EYS: variants seen among roughly 807,000 people sequenced by gnomAD.
The protein encoded by EYS is EGF-like photoreceptor maintenance factor.
EYS carries 250 observed loss-of-function variants against 282.1 expected under a neutral mutation model. The observed-to-expected ratio is 0.89, with a 90% CI of 0.80 to 0.98. The LOEUF (loss-of-function observed/expected upper bound fraction) is 0.98, where lower values mean the gene tolerates loss of function less well. Ranked by LOEUF, EYS falls within the 50% of genes least tolerant of loss-of-function variation. The pLI, the probability that EYS is intolerant of heterozygous loss-of-function variation, is 0.00. For synonymous variants in EYS, 1,355 were observed against 1,282.9 expected (o/e 1.06, Z -1.20); for missense variants, 4,016 against 3,709.0 (o/e 1.08, Z -2.15).
At chr6:65,594,582 G>T (rs1765342567) in intron 2 of EYS, among the ~76,000 whole-genome samples, 1 of 152,002 alleles carries the variant, frequency 6.6e-6, no homozygotes, top group African/African-American at 2.4e-5. Context: ...CAGATGAGTA[G>T]ATTGCAAAAA....
At chr6:63,757,065 G>A (rs894871314) in intron 41 of EYS, among the ~76,000 whole-genome samples, 1 of 152,126 alleles carries the variant, frequency 6.6e-6, no homozygotes, top group Non-Finnish European at 1.5e-5. Context: ...ACAATCATAA[G>A]GTCTGACTGC....
At chr6:64,681,862 C>T (rs73768226) in intron 22 of EYS, among the ~76,000 whole-genome samples, 1,575 of 152,264 alleles carry the variant, frequency 0.01, 20 homozygotes, top group African/African-American at 0.035. Flanking sequence ...GTTAATCATT[C>T]TTTTACATTT....
chr6:64,693,515 G>T (rs987355835), intron 22 of EYS, among the ~76,000 whole-genome samples: 3 of 152,136 alleles, frequency 2.0e-5, no homozygotes, highest in Non-Finnish European at 4.4e-5. Flanking sequence ...ATCATTTACA[G>T]GGGTGCCAAA....
At chr6:63,973,404 C>T (rs1266085429) in intron 35 of EYS, among the ~76,000 whole-genome samples, 1 of 152,020 alleles carries the variant, frequency 6.6e-6, no homozygotes, top group African/African-American at 2.4e-5. Flanking sequence ...AAGAAGAGAA[C>T]TAAACTTTAT....
At chr6:65,512,326 A>C (rs1180091277) in intron 2 of EYS, among the ~76,000 whole-genome samples, 2 of 151,902 alleles carry the variant, frequency 1.3e-5, no homozygotes. Flanking sequence ...CCCCATTTCT[A>C]CTAAAAATAC....
chr6:64,460,508 A>G (rs796869652), intron 26 of EYS, among the ~76,000 whole-genome samples: 8 of 152,336 alleles, frequency 5.3e-5, no homozygotes, highest in African/African-American at 1.9e-4. Context: ...GCTTGTTTGA[A>G]GCAATGTTTA....
At chr6:64,201,137 A>G (rs1208165692) in intron 31 of EYS, among the ~76,000 whole-genome samples, 2 of 152,156 alleles carry the variant, frequency 1.3e-5, no homozygotes, top group Non-Finnish European at 2.9e-5. Flanking sequence ...GAGTTGACAT[A>G]TTAATAGATA....
intron 35 of EYS, among the ~76,000 whole-genome samples, chr6:63,978,348 T>C (rs1026968300): frequency 5.9e-5 from 9 of 151,990 alleles, no homozygotes; most frequent in Non-Finnish European, 7.4e-5. Context: ...TAAACTTTTA[T>C]ATTGAGAATA....
intron 13 of EYS, among the ~76,000 whole-genome samples, chr6:65,035,136 G>A (rs1474543190): frequency 6.6e-6 from 1 of 152,022 alleles, no homozygotes; most frequent in Non-Finnish European, 1.5e-5. Flanking sequence ...AATAGATACA[G>A]AAAAGGCTTT....
intron 31 of EYS, among the ~76,000 whole-genome samples, chr6:64,206,797 A>G (rs150663370): frequency 1.3e-5 from 2 of 152,292 alleles, no homozygotes; most frequent in African/African-American, 2.4e-5. Flanking sequence ...TGTATTTGCT[A>G]TAGTTTGAAT....
chr6:65,448,993 G>A lies in EYS; in HGVS notation c.862+41601C>T, dbSNP rs200331610. Among the ~76,000 whole-genome samples the A allele has an allele frequency of 3.3e-5, 5 of 152,048 alleles. No homozygotes were observed. In the East Asian group the frequency reaches 9.7e-4, roughly 29 times the overall value. ...ACAGTTCTGATTTAATGTTAGGTTT[G>A]TGAATTTGGTTCTCACCTTAAGAAA... On this transcript the variant is annotated intron_variant, in intron 5 of 42. Coordinates refer to ENST00000503581, the MANE Select transcript of EYS (RefSeq NM_001142800.2).
chr6:64,915,108 C>CT (rs953769762), intron 15 of EYS, among the ~76,000 whole-genome samples: 37 of 152,028 alleles, frequency 2.4e-4, no homozygotes, highest in African/African-American at 1.4e-4. Flanking sequence ...TTCTAAGGTG[C>CT]TTTTTTTAAA....
At chr6:63,808,584 C>A (rs115615912) in intron 36 of EYS, among the ~76,000 whole-genome samples, 1,804 of 152,194 alleles carry the variant, frequency 0.012, 30 homozygotes, top group African/African-American at 0.042. Flanking sequence ...ATGAGTAACT[C>A]ATTAAGGCAA....
At chr6:64,966,554 C>A (rs1380548803) in intron 14 of EYS, among the ~76,000 whole-genome samples, 1 of 152,118 alleles carries the variant, frequency 6.6e-6, no homozygotes, top group Non-Finnish European at 1.5e-5. Flanking sequence ...AAAGATATGG[C>A]CACCTTCAAG....
chr6:65,618,354 T>C (rs1382616721), intron 2 of EYS, among the ~76,000 whole-genome samples: 1 of 152,266 alleles, frequency 6.6e-6, no homozygotes, highest in Non-Finnish European at 1.5e-5. Context: ...ATGTCTTCTT[T>C]TGAGAAGTGT....
At chr6:64,184,146 A>G (rs1457264477) in intron 31 of EYS, among the ~76,000 whole-genome samples, 2 of 151,978 alleles carry the variant, frequency 1.3e-5, no homozygotes, top group African/African-American at 4.8e-5. Context: ...GGCAATTATC[A>G]CCATTGGGTC....
intron 15 of EYS, among the ~76,000 whole-genome samples, chr6:64,929,189 C>T (rs1432366768): frequency 2.0e-5 from 3 of 151,986 alleles, no homozygotes; most frequent in Non-Finnish European, 4.4e-5. Flanking sequence ...GAGATAGGCC[C>T]TCACACAGGA....
intron 31 of EYS, among the ~76,000 whole-genome samples, chr6:64,125,173 TCTCG>T (rs1773729924): frequency 6.6e-6 from 1 of 151,022 alleles, no homozygotes; most frequent in African/African-American, 2.4e-5. Context: ...TCTCTCTCTC[TCTCG>T]CTCTCTCTCT....
chr6:64,754,525 C>T (rs114926854), intron 22 of EYS, among the ~76,000 whole-genome samples: 3,340 of 151,862 alleles, frequency 0.022, 105 homozygotes, highest in African/African-American at 0.076. Context: ...CAGACAAGTA[C>T]ACAACAAAAA....
Sources: gnomAD v4.1 joint callset for allele counts (sites outside exome capture counted in the v4.1 genomes callset) on GRCh38, gnomAD v4.1.1 for gene constraint, MANE v1.5 for transcripts, NCBI Gene and HGNC (gene_info 2026-07-23, HGNC 2026-07-21) for gene names.